The following GC variants were observed in gnomAD, a reference collection of about 807,000 sequenced individuals.
GC encodes the protein vitamin D-binding protein.
Under a neutral mutation model 56.7 loss-of-function variants are expected in GC, and 43 were observed. The observed-to-expected ratio is 0.76, with a 90% CI of 0.59 to 0.98. The LOEUF is 0.98. Among genes scored for constraint, GC ranks in the 50% least tolerant of loss-of-function variants. The probability of loss-of-function intolerance (pLI) is 0.00; values close to 1 mark genes in which losing one functional copy is unlikely to be tolerated. For missense variants in GC, 529 were observed against 545.9 expected, an observed-to-expected ratio of 0.97 and a Z score of 0.31; for synonymous variants, 216 against 202.7, an observed-to-expected ratio of 1.07 and a Z score of -0.56.
intron 1 of GC, among the ~76,000 whole-genome samples, chr4:71,779,394 T>G (rs1333374836): frequency 6.6e-6 from 1 of 151,760 alleles, no homozygotes; most frequent in East Asian, 1.9e-4. Flanking sequence ...ATAAATGGAC[T>G]TGGAGTAGAT....
chr4:71,758,051 C>T lies in GC; in HGVS notation c.822G>A (p.Met274Ile). ...ATAAAGCTTGTCTTACCTCTTTGGC[C>T]ATGCAATCTTCAGAGGCAGACTCAC... is the stretch of plus-strand genomic sequence containing the variant. ...KCCESASEDC[M>I]AKELPEHTVK... Residue 274 changes from methionine (M) to isoleucine (I), a missense_variant, in exon 7 of 13, where the codon ATG (methionine) becomes ATA (isoleucine). Transcript: ENST00000273951. The T allele has an allele frequency of 2.5e-6, 4 of 1,613,040 alleles. No homozygotes were observed. The highest frequency in any genetic ancestry group is 3.4e-6 in the Non-Finnish European group (4 of 1,179,388).
chr4:71,795,776 T>C (rs572579924), intron 1 of GC, among the ~76,000 whole-genome samples: 95 of 152,324 alleles, frequency 6.2e-4, no homozygotes, highest in African/African-American at 2.2e-3. Context: ...ATTTGGCATG[T>C]TTTTGCCATG....
intron 1 of GC, among the ~76,000 whole-genome samples, chr4:71,776,110 A>C (rs969007475): frequency 6.6e-6 from 1 of 151,994 alleles, no homozygotes; most frequent in African/African-American, 2.4e-5. Context: ...TCAAGAAACT[A>C]AAAATAGAAC....
At chr4:71,777,940 T>G (rs1322919933) in intron 1 of GC, among the ~76,000 whole-genome samples, 1 of 151,494 alleles carries the variant, frequency 6.6e-6, no homozygotes, top group Non-Finnish European at 1.5e-5. Flanking sequence ...CTGTAGATGG[T>G]GGGTTGATGG....
intron 1 of GC, among the ~76,000 whole-genome samples, chr4:71,773,888 G>A (rs1184188978): frequency 6.6e-6 from 1 of 151,876 alleles, no homozygotes; most frequent in African/African-American, 2.4e-5. Flanking sequence ...TGTCAGAAAA[G>A]CTCAGTATAT....
intron 3 of GC, among the ~76,000 whole-genome samples, chr4:71,766,614 T>C (rs115123934): frequency 0.026 from 4,027 of 152,254 alleles, 173 homozygotes; most frequent in African/African-American, 0.092. Context: ...AGGTAAAATT[T>C]CTAAAAATCT....
At chr4:71,783,149 G>A (rs1742737557) in intron 1 of GC, among the ~76,000 whole-genome samples, 1 of 151,712 alleles carries the variant, frequency 6.6e-6, no homozygotes, top group Non-Finnish European at 1.5e-5. Flanking sequence ...CGAATTAGGT[G>A]AGGCTGTTAA....
At chr4:71,754,273 T>A (rs916730817) in intron 10 of GC, 138 bp downstream of exon 10, 27 of 588,962 alleles carry the variant, frequency 4.6e-5, no homozygotes, top group East Asian at 2.6e-4. Context: ...CTGACTACTT[T>A]AAAAAACTCC....
intron 1 of GC, among the ~76,000 whole-genome samples, chr4:71,791,130 T>G (rs1428225881): frequency 6.6e-6 from 1 of 152,124 alleles, no homozygotes; most frequent in African/African-American, 2.4e-5. Flanking sequence ...ACCTCATACA[T>G]CATATTTTTA....
chr4:71,743,254 A>G (rs181101726), intron 12 of GC, among the ~76,000 whole-genome samples: 1 of 152,172 alleles, frequency 6.6e-6, no homozygotes. Context: ...ATCTCTAACT[A>G]GAGATGGGTA....
chr4:71,765,865 A>G (rs372851474), intron 3 of GC, among the ~76,000 whole-genome samples: 2 of 152,224 alleles, frequency 1.3e-5, no homozygotes, highest in East Asian at 3.8e-4. Context: ...TCAGAGTAGA[A>G]CAAAAATAGA....
At position 71,793,909 on chromosome 4, in the gene GC, A is replaced by G. The variant is rs151012457; in HGVS notation, c.22-9855T>C. ...AAATGCCTTTTCTGCATCTATTGAG[A>G]TAATCATGTGGTCTTTGTTGTTGGA... On this transcript the variant is annotated intron_variant, in intron 1 of 13. Transcript: ENST00000504199. Among the ~76,000 whole-genome samples the G allele has an allele frequency of 7.3e-3, 1,119 of 152,278 alleles. 6 individuals carry two copies. Among genetic ancestry groups the G allele is most frequent in the Non-Finnish European group, 0.011 (725 of 68,024 alleles).
intron 1 of GC, among the ~76,000 whole-genome samples, chr4:71,789,957 G>A (rs1034007135): frequency 4.0e-5 from 6 of 151,880 alleles, no homozygotes; most frequent in Non-Finnish European, 5.9e-5. Flanking sequence ...AAAATGGAAA[G>A]GAGTGTTAAA....
chr4:71,744,400 A>G, intron 12 of GC, among the ~76,000 whole-genome samples: 1 of 143,620 alleles, frequency 7.0e-6, no homozygotes, highest in East Asian at 2.1e-4. Context: ...CGGTGCTTGC[A>G]GCGAGCCGAG....
chr4:71,769,609 C>T, intron 1 of GC: 1 of 503,596 alleles, frequency 2.0e-6, no homozygotes. Context: ...TTTTAGTCAC[C>T]AGCAGAACAA....
intron 1 of GC, among the ~76,000 whole-genome samples, chr4:71,790,894 G>C (rs1386029355): frequency 6.6e-6 from 1 of 151,716 alleles, no homozygotes; most frequent in Non-Finnish European, 1.5e-5. Context: ...TTAGGTATAT[G>C]TCCTAAAGCT....
chr4:71,790,510 G>A (rs1742941717), intron 1 of GC, among the ~76,000 whole-genome samples: 1 of 151,688 alleles, frequency 6.6e-6, no homozygotes, highest in Admixed American at 6.6e-5. Flanking sequence ...GGTTTTGAAT[G>A]TACATTCTGA....
intron 1 of GC, among the ~76,000 whole-genome samples, chr4:71,781,885 G>T (rs1410862841): frequency 6.6e-6 from 1 of 151,722 alleles, no homozygotes; most frequent in Non-Finnish European, 1.5e-5. Context: ...TCCAGTAAAG[G>T]GTCATCTGTA....
At chr4:71,755,871 A>G (rs549922804) in intron 8 of GC, among the ~76,000 whole-genome samples, 33 of 152,324 alleles carry the variant, frequency 2.2e-4, no homozygotes, top group African/African-American at 1.7e-4. Flanking sequence ...AGAAAAATGT[A>G]AAGTTTCAGT....
Sources: gnomAD v4.1 joint callset for allele counts (sites outside exome capture counted in the v4.1 genomes callset) on GRCh38, gnomAD v4.1.1 for gene constraint, MANE v1.5 for transcripts, NCBI Gene and HGNC (gene_info 2026-07-23, HGNC 2026-07-21) for gene names.